The following GALNT18 variants were observed in gnomAD, a reference collection of about 807,000 sequenced individuals.
GALNT18 encodes the protein polypeptide N-acetylgalactosaminyltransferase 18.
In GALNT18, 44 loss-of-function variants were observed where a neutral mutation model predicts 69.5. The observed-to-expected ratio is 0.63, with a 90% CI of 0.50 to 0.81. GALNT18 has a LOEUF of 0.81. Among genes scored for constraint, GALNT18 ranks in the 40% least tolerant of loss-of-function variants. The pLI is 0.00. For synonymous variants in GALNT18, 364 were observed against 318.2 expected (o/e 1.14, Z -1.53); for missense variants, 715 against 810.0 (o/e 0.88, Z 1.42).
intron 3 of GALNT18, among the ~76,000 whole-genome samples, chr11:11,386,811 C>T (rs528199814): frequency 2.0e-5 from 3 of 152,140 alleles, no homozygotes; most frequent in East Asian, 3.8e-4. Flanking sequence ...ACTAGGCTGT[C>T]CCCAGAGTCC....
intron 1 of GALNT18, among the ~76,000 whole-genome samples, chr11:11,517,903 CATT>C (rs1191516470): frequency 3.3e-5 from 5 of 152,192 alleles, no homozygotes; most frequent in Non-Finnish European, 7.3e-5. Context: ...TGCAATTTCC[CATT>C]ATTACCAGCT....
At position 11,377,981 on chromosome 11, in the gene GALNT18, A is replaced by G. The variant is rs532224253; in HGVS notation, c.780-602T>C. ...AGACCCTTGAAGGCACCAGGCGAGTAAAGTGTTTGCAGGCAGGAATAAGCT... is the reference window on the plus strand; with the variant it reads ...AGACCCTTGAAGGCACCAGGCGAGTGAAGTGTTTGCAGGCAGGAATAAGCT... On this transcript the variant is annotated intron_variant, in intron 4 of 10. Coordinates refer to ENST00000227756, the MANE Select transcript of GALNT18 (RefSeq NM_198516.3). The surrounding 1 kb of genome is among the most constrained non-coding windows in gnomAD (Gnocchi z 4.6). 6.6e-6 allele frequency among the ~76,000 whole-genome samples: 1 copy of G among 152,248 alleles called. No individual in the cohort carries two copies. The highest frequency in any genetic ancestry group is 2.4e-5 in the African/African-American group (1 of 41,472).
chr11:11,314,915 G>A lies in GALNT18; in HGVS notation c.1512+12171C>T, dbSNP rs888292086. Among the ~76,000 whole-genome samples, 1 of 152,178 alleles carries A rather than the reference G, an allele frequency of 6.6e-6. No individual in the cohort carries two copies. Among genetic ancestry groups the A allele is most frequent in the Non-Finnish European group, 1.5e-5 (1 of 68,038 alleles). On this transcript the variant is annotated intron_variant, in intron 9 of 10. Transcript: ENST00000227756. This position sits in a 1 kb window ranked among gnomAD's most constrained non-coding sequence, Gnocchi z 5.2. The stretch of plus-strand genomic sequence containing the variant: ...ATGGCCTACACACTCAACTATTGGT[G>A]GTGGGGCCTAGGGATATCTTTACAT...
intron 6 of GALNT18, among the ~76,000 whole-genome samples, chr11:11,361,969 C>A (rs963691301): frequency 6.6e-6 from 1 of 152,124 alleles, no homozygotes; most frequent in Non-Finnish European, 1.5e-5. Flanking sequence ...GATATTAGTA[C>A]ATAAATAGAC....
intron 9 of GALNT18, among the ~76,000 whole-genome samples, chr11:11,321,857 G>A (rs142462212): frequency 0.037 from 5,643 of 152,202 alleles, 123 homozygotes; most frequent in Middle Eastern, 0.075. Context: ...TGCCTGCCTC[G>A]GCCTCCCAAA....
intron 10 of GALNT18, among the ~76,000 whole-genome samples, chr11:11,282,188 C>A (rs1408933952): frequency 6.6e-6 from 1 of 152,116 alleles, no homozygotes; most frequent in Non-Finnish European, 1.5e-5. Context: ...CTTTCTTCTT[C>A]TCTCGGAAAA....
At chr11:11,457,688 T>A (rs939487310) in intron 1 of GALNT18, among the ~76,000 whole-genome samples, 9 of 152,214 alleles carry the variant, frequency 5.9e-5, no homozygotes, top group African/African-American at 2.2e-4. Context: ...GCTCTGCTTC[T>A]TGTCCCTCGG....
At chr11:11,394,718 A>C (rs1589966025) in intron 3 of GALNT18, among the ~76,000 whole-genome samples, 1 of 152,354 alleles carries the variant, frequency 6.6e-6, no homozygotes, top group Non-Finnish European at 1.5e-5. Flanking sequence ...CCATTGCTCG[A>C]GACAGCATCC....
chr11:11,609,912 G>A (rs911720501), intron 1 of GALNT18, among the ~76,000 whole-genome samples: 9 of 152,140 alleles, frequency 5.9e-5, no homozygotes, highest in African/African-American at 1.9e-4. Context: ...CCCACCCCAT[G>A]CCCTGAGCCT....
intron 1 of GALNT18, among the ~76,000 whole-genome samples, chr11:11,520,954 T>C (rs1041004373): frequency 2.0e-5 from 3 of 152,150 alleles, no homozygotes; most frequent in East Asian, 3.9e-4. Flanking sequence ...GGGTCCACCG[T>C]AGGGAGCCTT....
chr11:11,299,679 A>G (rs986453207), intron 9 of GALNT18, among the ~76,000 whole-genome samples: 4 of 152,220 alleles, frequency 2.6e-5, no homozygotes, highest in Non-Finnish European at 4.4e-5. Context: ...GAAGTATTCT[A>G]TGGTATATAT....
At chr11:11,473,163 A>G (rs1265469551) in intron 1 of GALNT18, among the ~76,000 whole-genome samples, 1 of 152,198 alleles carries the variant, frequency 6.6e-6, no homozygotes, top group Admixed American at 6.5e-5. Flanking sequence ...AGGCCCAGAA[A>G]TACCCCGGAA....
rs1856949664 is a variant in GALNT18 at position 11,500,359 on chromosome 11, A to T, written c.236-51423T>A. 6.6e-6 allele frequency among the ~76,000 whole-genome samples: 1 copy of T among 152,210 alleles called. No homozygotes were observed. Among genetic ancestry groups the T allele is most frequent in the Admixed American group, 6.5e-5 (1 of 15,286 alleles). Reference sequence around the variant, plus strand: ...ACTTCTTTCTTGAGTGGCTTTAGGTACATGTCTGAACCTTTCTGAGGCTTC... The same window carrying T: ...ACTTCTTTCTTGAGTGGCTTTAGGTTCATGTCTGAACCTTTCTGAGGCTTC... On this transcript the variant is annotated intron_variant, in intron 1 of 10. Coordinates refer to ENST00000227756, the MANE Select transcript of GALNT18 (RefSeq NM_198516.3). This position sits in a 1 kb window ranked among gnomAD's most constrained non-coding sequence, Gnocchi z 5.0.
intron 9 of GALNT18, among the ~76,000 whole-genome samples, chr11:11,316,868 A>G (rs933642307): frequency 1.4e-4 from 22 of 152,314 alleles, no homozygotes; most frequent in African/African-American, 5.1e-4. Context: ...CTCTCCAGAC[A>G]GGAAGTCCTC....
intron 1 of GALNT18, among the ~76,000 whole-genome samples, chr11:11,550,934 G>A (rs1007290329): frequency 6.6e-6 from 1 of 152,200 alleles, no homozygotes; most frequent in South Asian, 2.1e-4. Flanking sequence ...TGTTATTGCA[G>A]TAAGCAGCAT....
rs542297695 is a variant in GALNT18 at position 11,307,753 on chromosome 11, C to A, written c.1513-14560G>T. Among the ~76,000 whole-genome samples the A allele has an allele frequency of 6.6e-5, 10 of 152,314 alleles. No individual in the cohort carries two copies. In the South Asian group the frequency reaches 1.7e-3, roughly 25 times the overall value. On this transcript the variant is annotated intron_variant, in intron 9 of 10. Coordinates refer to ENST00000227756, the MANE Select transcript of GALNT18 (RefSeq NM_198516.3). ...CTTCAGGAAGGCATCCTTGACCCCC[C>A]CAAGGTCACTACTCCCAGCCCTCTT... is the stretch of plus-strand genomic sequence containing the variant.
chr11:11,437,382 C>T lies in GALNT18; in HGVS notation c.429-4595G>A, dbSNP rs141818311. Among the ~76,000 whole-genome samples the T allele has an allele frequency of 4.1e-4, 63 of 151,958 alleles. 1 individual carries two copies. Among genetic ancestry groups the T allele is most frequent in the Non-Finnish European group, 7.4e-4 (50 of 68,006 alleles). On this transcript the variant is annotated intron_variant, in intron 2 of 10. Transcript: ENST00000227756. Reference sequence around the variant, plus strand: ...GGAGGGATATGGTTGTCTAATAAGCCGGAATTGATGGTCATGACAGACTCC... The same window carrying T: ...GGAGGGATATGGTTGTCTAATAAGCTGGAATTGATGGTCATGACAGACTCC...
At chr11:11,399,023 A>ATATTT (rs1482544094) in intron 3 of GALNT18, among the ~76,000 whole-genome samples, 6 of 152,160 alleles carry the variant, frequency 3.9e-5, no homozygotes, top group Admixed American at 1.3e-4. Flanking sequence ...ATGGACAAAC[A>ATATTT]TGCTTCCCCA....
At chr11:11,572,254 C>G (rs976816224) in intron 1 of GALNT18, among the ~76,000 whole-genome samples, 1 of 152,210 alleles carries the variant, frequency 6.6e-6, no homozygotes, top group African/African-American at 2.4e-5. Flanking sequence ...GTTTCTTTAT[C>G]TAGAAGAGGG....
Sources: allele counts gnomAD v4.1 joint callset (sites outside exome capture counted in the v4.1 genomes callset), GRCh38; gene constraint gnomAD v4.1.1; non-coding constraint Gnocchi (gnomAD v3.1); transcripts MANE v1.5; gene names NCBI Gene and HGNC (gene_info 2026-07-23, HGNC 2026-07-21).